The following ANLN variants were observed in gnomAD, a reference collection of about 807,000 sequenced individuals.
ANLN encodes anillin, actin binding protein.
A neutral mutation model predicts 135.1 loss-of-function variants in ANLN; 59 were observed. The ratio of observed to expected loss-of-function variants is 0.44; its 90% confidence interval spans 0.35 to 0.54. ANLN has a LOEUF of 0.54. ANLN is among the 20% of genes least tolerant of loss of function. The pLI is 0.00. For missense variants in ANLN, 1,182 were observed against 1,340.0 expected, an observed-to-expected ratio of 0.88 and a Z score of 1.84; for synonymous variants, 406 against 456.4, an observed-to-expected ratio of 0.89 and a Z score of 1.41.
At chr7:36,406,690 T>C (rs2116577017) in intron 4 of ANLN, 124 bp downstream of exon 4, 1 of 918,844 alleles carries the variant, frequency 1.1e-6, no homozygotes, top group South Asian at 3.8e-5. Context: ...GCATAGTGAG[T>C]TTATATGTAT....
chr7:36,402,415 C>T (rs1786991708), intron 3 of ANLN, among the ~76,000 whole-genome samples: 1 of 152,104 alleles, frequency 6.6e-6, no homozygotes, highest in East Asian at 1.9e-4. Flanking sequence ...GTCCTGCCTG[C>T]ACCTAGGTTA....
intron 2 of ANLN, 143 bp downstream of exon 2, chr7:36,396,562 T>C: frequency 8.1e-6 from 6 of 738,650 alleles, no homozygotes; most frequent in Non-Finnish European, 1.2e-5. Flanking sequence ...AACAGCCTTC[T>C]ATTCTATTTC....
chr7:36,421,497 T>C (rs1440937791), intron 12 of ANLN, among the ~76,000 whole-genome samples: 3 of 151,976 alleles, frequency 2.0e-5, no homozygotes, highest in African/African-American at 7.3e-5. Context: ...GGATTACGGG[T>C]GTGAGCCACC....
chr7:36,413,206 A>C (rs189189642), intron 7 of ANLN, among the ~76,000 whole-genome samples: 1 of 152,062 alleles, frequency 6.6e-6, no homozygotes, highest in Admixed American at 6.5e-5. Flanking sequence ...CAACTCTTGC[A>C]ACCCATTCCC....
chr7:36,395,864 CAG>C (rs369375987), intron 1 of ANLN, among the ~76,000 whole-genome samples: 9 of 150,582 alleles, frequency 6.0e-5, no homozygotes, highest in Admixed American at 6.6e-5. Context: ...CACTTAGTGG[CAG>C]AGAGAGAGAG....
intron 3 of ANLN, among the ~76,000 whole-genome samples, chr7:36,403,908 G>C (rs141911600): frequency 6.6e-6 from 1 of 152,132 alleles, no homozygotes; most frequent in African/African-American, 2.4e-5. Flanking sequence ...CAATCCACCC[G>C]CCTTGGCCTC....
chr7:36,397,901 G>T (rs1430144180), intron 2 of ANLN, among the ~76,000 whole-genome samples: 2 of 152,002 alleles, frequency 1.3e-5, no homozygotes, highest in African/African-American at 4.8e-5. Flanking sequence ...ACAGAGTGAG[G>T]CCCTATCTCA....
intron 4 of ANLN, 80 bp from the exon 5 acceptor site, chr7:36,407,650 GTAAA>G: frequency 9.9e-7 from 1 of 1,007,454 alleles, no homozygotes; most frequent in Non-Finnish European, 1.5e-6. Context: ...AGGCTATCAA[GTAAA>G]TAGGACTTGA....
chr7:36,419,537 T>A, intron 10 of ANLN, 58 bp downstream of exon 10: 1 of 1,403,008 alleles, frequency 7.1e-7, no homozygotes, highest in Non-Finnish European at 9.9e-7. Flanking sequence ...AGTATTCGTA[T>A]CTCCCCTTTC....
intron 23 of ANLN, among the ~76,000 whole-genome samples, chr7:36,450,488 G>A (rs1240941624): frequency 6.6e-6 from 1 of 152,092 alleles, no homozygotes; most frequent in East Asian, 1.9e-4. Context: ...TGCAGATGGG[G>A]GGAGATTGGT....
At chr7:36,411,877 C>T (rs1212687870) in intron 7 of ANLN, among the ~76,000 whole-genome samples, 1 of 152,086 alleles carries the variant, frequency 6.6e-6, no homozygotes, top group Non-Finnish European at 1.5e-5. Context: ...ACATCTCTTC[C>T]CTGTCCACAT....
chr7:36,439,130 A>G, intron 20 of ANLN, 74 bp from the exon 21 acceptor site: 1 of 890,440 alleles, frequency 1.1e-6, no homozygotes, highest in South Asian at 1.4e-5. Context: ...TCTGTTCATG[A>G]TTTATACATG....
intron 20 of ANLN, among the ~76,000 whole-genome samples, chr7:36,435,862 G>T (rs1450002783): frequency 1.0e-5 from 1 of 99,376 alleles, no homozygotes; most frequent in Non-Finnish European, 1.8e-5. Context: ...GACAGAGCGA[G>T]ACTCCGTCTC....
intron 3 of ANLN, among the ~76,000 whole-genome samples, chr7:36,402,550 A>G (rs1017124936): frequency 1.1e-4 from 17 of 151,328 alleles, no homozygotes; most frequent in African/African-American, 3.9e-4. Context: ...CTCTCCCAGG[A>G]CCTCCCCATC....
At chr7:36,396,623 A>G (rs1336035943) in intron 2 of ANLN, among the ~76,000 whole-genome samples, 1 of 152,186 alleles carries the variant, frequency 6.6e-6, no homozygotes, top group East Asian at 1.9e-4. Context: ...GGTTTCTTCT[A>G]AAAAATATTT....
At chr7:36,426,253 T>C (rs1242252906) in intron 19 of ANLN, among the ~76,000 whole-genome samples, 1 of 152,190 alleles carries the variant, frequency 6.6e-6, no homozygotes, top group Non-Finnish European at 1.5e-5. Flanking sequence ...GAGGCACCAG[T>C]CATCATGTTA....
At chr7:36,408,180 A>G (rs1787269724) in intron 5 of ANLN, among the ~76,000 whole-genome samples, 2 of 152,224 alleles carry the variant, frequency 1.3e-5, no homozygotes. Flanking sequence ...TTAACAGTTT[A>G]AACATGCTTT....
intron 7 of ANLN, among the ~76,000 whole-genome samples, chr7:36,413,974 A>G (rs1787534058): frequency 1.3e-5 from 2 of 151,804 alleles, no homozygotes. Context: ...AGTCTGGGCA[A>G]TGGAGTGAGA....
At chr7:36,420,973 C>A (rs781775385) in intron 12 of ANLN, among the ~76,000 whole-genome samples, 3 of 152,030 alleles carry the variant, frequency 2.0e-5, no homozygotes, top group Non-Finnish European at 4.4e-5. Context: ...TATTTTTAAA[C>A]AAGTTTTTCA....
Sources: allele counts gnomAD v4.1 joint callset (sites outside exome capture counted in the v4.1 genomes callset), GRCh38; gene constraint gnomAD v4.1.1; transcripts MANE v1.5; gene names NCBI Gene and HGNC (gene_info 2026-07-23, HGNC 2026-07-21).